The following DYTN variants were observed in gnomAD, a reference collection of about 807,000 sequenced individuals.
DYTN encodes dystrotelin.
A neutral mutation model predicts 69.6 loss-of-function variants in DYTN; 75 were observed. The ratio of observed to expected loss-of-function variants is 1.08; its 90% CI spans 0.89 to 1.31. The LOEUF (loss-of-function observed/expected upper bound fraction) is 1.31, where lower values mean the gene tolerates loss of function less well. Among genes scored for constraint, DYTN ranks in the 50% most tolerant of loss-of-function variants. The pLI is 0.00. For missense variants in DYTN, 726 were observed against 688.4 expected (o/e 1.05, Z -0.61); for synonymous variants, 252 against 249.1 (o/e 1.01, Z -0.11).
chr2:206,696,444 C>T (rs1699920714), intron 7 of DYTN, among the ~76,000 whole-genome samples: 3 of 152,178 alleles, frequency 2.0e-5, no homozygotes, highest in Non-Finnish European at 2.9e-5. Flanking sequence ...ACTTCCAACC[C>T]TGACTCCCAT....
intron 9 of DYTN, among the ~76,000 whole-genome samples, chr2:206,667,882 A>T (rs1366691319): frequency 1.3e-5 from 2 of 152,198 alleles, no homozygotes; most frequent in East Asian, 3.8e-4. Flanking sequence ...GAAATGCAAC[A>T]TTTCTCAGTG....
At position 206,707,505 on chromosome 2, in the gene DYTN, T is replaced by C. The variant is rs773284747; in HGVS notation, c.95-2A>G. The C allele has an allele frequency of 6.2e-7, 1 of 1,606,018 alleles. No individual in the cohort carries two copies. On this transcript the variant is annotated splice_acceptor_variant, in intron 2 of 11. Transcript: ENST00000452335. LOFTEE classifies it high-confidence loss of function. ...TCAGGGAGCTGTCAATCAAGTCCACTGTAGGAAGCAAATGAAGAATTGAGC... is the reference window on the plus strand; with the variant it reads ...TCAGGGAGCTGTCAATCAAGTCCACCGTAGGAAGCAAATGAAGAATTGAGC...
At chr2:206,682,046 A>C (rs914689470) in intron 9 of DYTN, among the ~76,000 whole-genome samples, 2 of 152,044 alleles carry the variant, frequency 1.3e-5, no homozygotes, top group African/African-American at 2.4e-5. Flanking sequence ...TACTGCCTCA[A>C]TTTCAGAACT....
intron 11 of DYTN, among the ~76,000 whole-genome samples, chr2:206,654,370 T>C (rs1414501553): frequency 1.3e-5 from 2 of 152,236 alleles, no homozygotes; most frequent in East Asian, 3.8e-4. Context: ...ATGAAGATCT[T>C]TATGATGATC....
intron 9 of DYTN, among the ~76,000 whole-genome samples, chr2:206,685,027 T>C (rs1699789842): frequency 6.6e-6 from 1 of 152,182 alleles, no homozygotes; most frequent in Admixed American, 6.5e-5. Context: ...CACCAAACAC[T>C]GTTACAGGAC....
At chr2:206,701,829 G>A (rs890369012) in intron 5 of DYTN, among the ~76,000 whole-genome samples, 27 of 152,008 alleles carry the variant, frequency 1.8e-4, no homozygotes, top group African/African-American at 5.8e-4. Context: ...GTGACAGATG[G>A]GTTAATTAAT....
intron 9 of DYTN, among the ~76,000 whole-genome samples, chr2:206,689,755 T>C (rs987361691): frequency 1.9e-4 from 29 of 152,198 alleles, no homozygotes; most frequent in African/African-American, 6.8e-4. Flanking sequence ...TCAAACCTCA[T>C]TATCTTGTTC....
At chr2:206,690,168 C>T (rs1186756280) in intron 9 of DYTN, among the ~76,000 whole-genome samples, 1 of 152,100 alleles carries the variant, frequency 6.6e-6, no homozygotes, top group Non-Finnish European at 1.5e-5. Context: ...GATGAGCCTA[C>T]ATTTGAGCAA....
Position 206,693,172 on chromosome 2 carries a change from C to T in DYTN, c.980+3G>A. On this transcript the variant is annotated splice_donor_region_variant and intron_variant, in intron 9 of 11. Transcript: ENST00000452335. Reference sequence around the variant, plus strand: ...GGATCAGCCAATCCTCGCAGCCACTCACCTGGCCTGCGCATGGTGAGGCAC... The same window carrying T: ...GGATCAGCCAATCCTCGCAGCCACTTACCTGGCCTGCGCATGGTGAGGCAC... The T allele has an allele frequency of 6.2e-7, 1 of 1,607,062 alleles. No individual in the cohort carries two copies. Among genetic ancestry groups the T allele is most frequent in the Non-Finnish European group, 8.5e-7 (1 of 1,177,722 alleles).
intron 9 of DYTN, chr2:206,678,874 A>C (rs957199923): frequency 6.6e-6 from 1 of 152,214 alleles, no homozygotes; most frequent in Non-Finnish European, 1.5e-5. Flanking sequence ...TTATTCAATA[A>C]AAGAAGGTTT....
chr2:206,651,723 T>G lies in DYTN; in HGVS notation c.*95A>C. The G allele has an allele frequency of 8.6e-7, 1 of 1,163,558 alleles. No individual in the cohort carries two copies. Among genetic ancestry groups the G allele is most frequent in the Non-Finnish European group, 1.2e-6 (1 of 803,144 alleles). The allele number at this position is 1,163,558 out of a possible 1,614,324, so 72.1% of individuals were successfully genotyped here. ...GTTTTCTTCATAGTTCACACTAAACTATTAAAAGAAAGGTAGAAGTCTTAA... is the reference window on the plus strand; with the variant it reads ...GTTTTCTTCATAGTTCACACTAAACGATTAAAAGAAAGGTAGAAGTCTTAA... On this transcript the variant is annotated 3_prime_UTR_variant, in exon 12 of 12. Transcript: ENST00000452335.
intron 9 of DYTN, among the ~76,000 whole-genome samples, chr2:206,678,176 A>G (rs1402976451): frequency 6.6e-6 from 1 of 152,236 alleles, no homozygotes; most frequent in Non-Finnish European, 1.5e-5. Context: ...GATGAAGGAA[A>G]AAATACAGTT....
chr2:206,704,147 G>A (rs1388176251), intron 5 of DYTN, among the ~76,000 whole-genome samples: 1 of 152,086 alleles, frequency 6.6e-6, no homozygotes, highest in East Asian at 1.9e-4. Flanking sequence ...TTAGTATCAG[G>A]CACTGTTCAA....
At chr2:206,672,563 G>A (rs759587441) in intron 9 of DYTN, among the ~76,000 whole-genome samples, 1 of 152,186 alleles carries the variant, frequency 6.6e-6, no homozygotes, top group African/African-American at 2.4e-5. Flanking sequence ...ATGAGCTGAT[G>A]AGTAAAATGC....
intron 5 of DYTN, chr2:206,701,243 AT>A (rs1258614616): frequency 2.6e-5 from 4 of 152,188 alleles, no homozygotes; most frequent in African/African-American, 9.7e-5. Flanking sequence ...ATTTTAAGAA[AT>A]GCCAATTTCT....
In DYTN at chr2:206,693,238, G is replaced by A. The variant is rs781120785; in HGVS notation, c.917C>T (p.Ala306Val). 5.0e-6 allele frequency: 8 copies of A among 1,613,442 alleles called. No homozygotes were observed. The highest frequency in any genetic ancestry group is 4.4e-5 in the South Asian group (4 of 91,072). ...LQGRCRKKEA[A>V]RRQQLLDQVN... ...CTGGTCCAGCAGCTGCTGCCTTCTCGCTGCTTCTTTCTTCCTACAGCGCCC... is the reference window on the plus strand; with the variant it reads ...CTGGTCCAGCAGCTGCTGCCTTCTCACTGCTTCTTTCTTCCTACAGCGCCC... Residue 306 changes from alanine to valine, a missense_variant, in exon 9 of 12, where the codon GCG (alanine) becomes GTG (valine). Ala to Val is a moderately conservative substitution (Grantham distance 64, BLOSUM62 0). Coordinates refer to ENST00000452335, the MANE Select transcript of DYTN (RefSeq NM_001093730.1).
intron 1 of DYTN, 35 bp from the exon 2 acceptor site, chr2:206,710,633 C>A: frequency 6.8e-7 from 1 of 1,475,996 alleles, no homozygotes; most frequent in South Asian, 1.2e-5. Flanking sequence ...TGAATAAAGT[C>A]TCTCTCATTA....
chr2:206,716,925 GC>G (rs1700135374), intron 1 of DYTN, among the ~76,000 whole-genome samples: 1 of 152,060 alleles, frequency 6.6e-6, no homozygotes, highest in South Asian at 2.1e-4. Flanking sequence ...AAGTTAGGCA[GC>G]ATAACACGGC....
chr2:206,714,666 C>A (rs901779595), intron 1 of DYTN, among the ~76,000 whole-genome samples: 2 of 143,918 alleles, frequency 1.4e-5, no homozygotes, highest in Non-Finnish European at 3.0e-5. Flanking sequence ...CCAGGGCTGT[C>A]CTTCCTAGCA....
Sources: allele counts gnomAD v4.1 joint callset (sites outside exome capture counted in the v4.1 genomes callset), GRCh38; gene constraint gnomAD v4.1.1; transcripts MANE v1.5; gene names NCBI Gene and HGNC (gene_info 2026-07-23, HGNC 2026-07-21).